The following ADAMTS18 variants were observed in gnomAD, a reference collection of about 807,000 sequenced individuals.
The protein encoded by ADAMTS18 is A disintegrin and metalloproteinase with thrombospondin motifs 18.
A neutral mutation model predicts 165.9 loss-of-function variants in ADAMTS18; 157 were observed. The ratio of observed to expected loss-of-function variants is 0.95; its 90% CI spans 0.83 to 1.08. The LOEUF is 1.08. Among genes scored for constraint, ADAMTS18 ranks in the 50% least tolerant of loss-of-function variants. The pLI, the probability that ADAMTS18 is intolerant of heterozygous loss-of-function variation, is 0.00. For synonymous variants in ADAMTS18, 782 were observed against 578.2 expected (o/e 1.35, Z -5.06); for missense variants, 2,040 against 1,534.0 (o/e 1.33, Z -5.51).
intron 16 of ADAMTS18, among the ~76,000 whole-genome samples, chr16:77,300,635 A>C (rs867148138): frequency 6.6e-6 from 1 of 152,108 alleles, no homozygotes; most frequent in South Asian, 2.1e-4. Context: ...AAAGAGCAAA[A>C]CACGATTGAC....
intron 10 of ADAMTS18, among the ~76,000 whole-genome samples, chr16:77,346,156 A>G (rs2144697427): frequency 6.6e-6 from 1 of 152,322 alleles, no homozygotes. Flanking sequence ...CGATATTAAA[A>G]AATTTAATCA....
intron 12 of ADAMTS18, among the ~76,000 whole-genome samples, chr16:77,326,830 G>A (rs2056103792): frequency 6.6e-6 from 1 of 152,210 alleles, no homozygotes; most frequent in Admixed American, 6.5e-5. Context: ...CAGGTAATAA[G>A]CATAATATCT....
At position 77,300,359 on chromosome 16, in the gene ADAMTS18, G is replaced by T; in HGVS notation, c.2578C>A (p.Leu860Ile). ...GGAGTTCCATTCATGACCTTGGGAA[G>T]TGCATACTTCCAAGCTATCCCTGGA... ...KNPGIAWKYA[L>I]PKVMNGTPPA... The change falls in exon 17 of 23, where the codon CTT (leucine) becomes ATT (isoleucine). Residue 860 changes from leucine to isoleucine, a missense_variant. By Grantham distance (5) the Leu-to-Ile change is conservative (BLOSUM62 2). Coordinates refer to ENST00000282849, the MANE Select transcript of ADAMTS18 (RefSeq NM_199355.4). 1 of 1,614,070 alleles carries T rather than the reference G, an allele frequency of 6.2e-7. No individual in the cohort carries two copies. The highest frequency in any genetic ancestry group is 8.5e-7 in the Non-Finnish European group (1 of 1,179,980).
chr16:77,434,020 G>C (rs1037770124), intron 2 of ADAMTS18, among the ~76,000 whole-genome samples: 1 of 152,122 alleles, frequency 6.6e-6, no homozygotes, highest in Non-Finnish European at 1.5e-5. Flanking sequence ...GATGGAGAGA[G>C]GAAAGAGGCT....
At chr16:77,284,128 T>C (rs1041819911) in intron 22 of ADAMTS18, 57 bp from the exon 23 acceptor site, 8 of 1,263,298 alleles carry the variant, frequency 6.3e-6, no homozygotes, top group African/African-American at 1.5e-5. Flanking sequence ...TTTTTCTTTT[T>C]TTTTTTTTTT....
At chr16:77,381,951 T>C (rs570965650) in intron 3 of ADAMTS18, among the ~76,000 whole-genome samples, 2 of 152,310 alleles carry the variant, frequency 1.3e-5, no homozygotes, top group African/African-American at 4.8e-5. Context: ...CTCTGGAATG[T>C]GTCCTTACTG....
chr16:77,335,329 C>G (rs1455826809), intron 12 of ADAMTS18, among the ~76,000 whole-genome samples: 1 of 147,984 alleles, frequency 6.8e-6, no homozygotes, highest in Non-Finnish European at 1.5e-5. Flanking sequence ...ATTGACAGAG[C>G]TGGGAAGGGT....
At position 77,412,859 on chromosome 16, in the gene ADAMTS18, G is replaced by C. The variant is rs188000189; in HGVS notation, c.495+18436C>G. Reference sequence around the variant, plus strand: ...GAGCTACAGTTCAAGGTGAGATTTGGGTGGGGATACAGCCAAACCATATCA... The same window carrying C: ...GAGCTACAGTTCAAGGTGAGATTTGCGTGGGGATACAGCCAAACCATATCA... On this transcript the variant is annotated intron_variant, in intron 3 of 22. Transcript: ENST00000282849. 1.2e-4 allele frequency among the ~76,000 whole-genome samples: 18 copies of C among 152,076 alleles called. No individual in the cohort carries two copies. In the East Asian group the frequency reaches 3.3e-3, roughly 28 times the overall value.
chr16:77,427,024 A>C (rs2144859589), intron 3 of ADAMTS18, among the ~76,000 whole-genome samples: 1 of 151,164 alleles, frequency 6.6e-6, no homozygotes, highest in East Asian at 1.9e-4. Flanking sequence ...TAAAAATATA[A>C]GAACAATAAA....
In ADAMTS18 at chr16:77,364,563, G is replaced by A. The variant is rs565554574; in HGVS notation, c.779-182C>T. Among the ~76,000 whole-genome samples, 2 of 144,720 alleles carry A rather than the reference G, an allele frequency of 1.4e-5. 1 individual carries two copies. Among genetic ancestry groups the A allele is most frequent in the African/African-American group, 5.2e-5 (2 of 38,576 alleles). 94.9% of individuals were successfully genotyped at this position (144,720 alleles called of 152,430 possible). ...TGCATCTAGTATGTGGTCAAGAAGG[G>A]CCTACTCAATAAATGTTTGGATGCA... On this transcript the variant is annotated intron_variant, in intron 4 of 22. Coordinates refer to ENST00000282849, the MANE Select transcript of ADAMTS18 (RefSeq NM_199355.4).
chr16:77,284,123 C>CA, intron 22 of ADAMTS18, 52 bp from the exon 23 acceptor site: 5 of 951,056 alleles, frequency 5.3e-6, no homozygotes, highest in Non-Finnish European at 7.9e-6. Context: ...TATCCTTTTT[C>CA]TTTTTTTTTT....
In ADAMTS18 at chr16:77,367,588, T is replaced by C. The variant is rs751871791; in HGVS notation, c.631A>G (p.Ile211Val). 6.2e-7 allele frequency: 1 copy of C among 1,614,184 alleles called. No homozygotes were observed. The highest frequency in any genetic ancestry group is 8.5e-7 in the Non-Finnish European group (1 of 1,180,026). ...VLYKRTAEEK[I>V]QRYRGYPGSG... ...CCGGGGTAGCCACGGTACCGCTGGATCTTCTCCTCTGCTGTCCTTTTGTAC... is the reference window on the plus strand; with the variant it reads ...CCGGGGTAGCCACGGTACCGCTGGACCTTCTCCTCTGCTGTCCTTTTGTAC... Residue 211 changes from isoleucine (I) to valine (V), a missense_variant, in exon 4 of 23, where the codon ATC (isoleucine) becomes GTC (valine). By Grantham distance (29) the Ile-to-Val change is conservative (BLOSUM62 3). Transcript: ENST00000282849.
At chr16:77,369,418 G>A (rs1334720171) in intron 3 of ADAMTS18, among the ~76,000 whole-genome samples, 1 of 151,828 alleles carries the variant, frequency 6.6e-6, no homozygotes, top group Non-Finnish European at 1.5e-5. Context: ...ATTCCTTGAG[G>A]TGCAATATTA....
At chr16:77,419,296 C>T (rs570232157) in intron 3 of ADAMTS18, among the ~76,000 whole-genome samples, 5 of 152,278 alleles carry the variant, frequency 3.3e-5, no homozygotes, top group African/African-American at 1.2e-4. Context: ...CACTGCTAAG[C>T]TCACTCAGGC....
intron 3 of ADAMTS18, among the ~76,000 whole-genome samples, chr16:77,413,670 C>CATATGTTATTTAGTATACTTAA (rs985080576): frequency 9.9e-5 from 15 of 152,086 alleles, no homozygotes; most frequent in East Asian, 7.7e-4. Flanking sequence ...TTGCTTTCTA[C>CATATGTTATTTAGTATACTTAA]ATATGTTATT....
At chr16:77,286,787 T>TAAACAC (rs758640792) in intron 22 of ADAMTS18, among the ~76,000 whole-genome samples, 12 of 152,154 alleles carry the variant, frequency 7.9e-5, no homozygotes, top group Non-Finnish European at 1.8e-4. Flanking sequence ...TCCAGACACG[T>TAAACAC]AAACACCCAG....
chr16:77,408,021 T>C (rs545055345), intron 3 of ADAMTS18, among the ~76,000 whole-genome samples: 2 of 152,166 alleles, frequency 1.3e-5, no homozygotes, highest in African/African-American at 4.8e-5. Context: ...AGAGATGCCA[T>C]ACCCAGAAAA....
chr16:77,325,975 G>A lies in ADAMTS18; in HGVS notation c.1923C>T (p.Asn641=). 6.2e-7 allele frequency: 1 copy of A among 1,613,942 alleles called. No individual in the cohort carries two copies. The highest frequency in any genetic ancestry group is 8.5e-7 in the Non-Finnish European group (1 of 1,179,868). The change falls in exon 13 of 23, where the codon AAC becomes AAT. Residue 641 remains asparagine, a synonymous_variant. Transcript: ENST00000282849. ...SSRIYQLCNI[N]PCNENSLDFR... ...AATCCAAGCTATTTTCATTGCAAGG[G>A]TTAATATTGCACAGCTGATAAATAC...
At chr16:77,319,469 G>A (rs531140789) in intron 16 of ADAMTS18, among the ~76,000 whole-genome samples, 159 of 152,238 alleles carry the variant, frequency 1.0e-3, no homozygotes, top group African/African-American at 3.5e-3. Flanking sequence ...TTTTGAAACA[G>A]TCTTGCTCTG....
Sources: gnomAD v4.1 joint callset for allele counts (sites outside exome capture counted in the v4.1 genomes callset) on GRCh38, gnomAD v4.1.1 for gene constraint, MANE v1.5 for transcripts, NCBI Gene and HGNC (gene_info 2026-07-23, HGNC 2026-07-21) for gene names.